TTC34: variants seen among roughly 807,000 people sequenced by gnomAD.
TTC34 encodes tetratricopeptide repeat protein 34.
In TTC34, 44 loss-of-function variants were observed where a neutral mutation model predicts 40.7. The ratio of observed to expected loss-of-function variants is 1.08; its 90% CI spans 0.85 to 1.39. The LOEUF (loss-of-function observed/expected upper bound fraction) is 1.39. Ranked by LOEUF, TTC34 falls within the 40% of genes most tolerant of loss-of-function variation. The probability of loss-of-function intolerance (pLI) is 0.00; values close to 1 mark genes in which losing one functional copy is unlikely to be tolerated. For missense variants in TTC34, 884 were observed against 838.0 expected (o/e 1.05, Z -0.68); for synonymous variants, 422 against 398.6 (o/e 1.06, Z -0.70).
exon 9 of TTC34, chr1:2,640,601 G>A (rs1638880702): frequency 1.3e-5 from 2 of 152,240 alleles, no homozygotes; most frequent in Admixed American, 6.5e-5. Context: ...GGTCAGCTTG[G>A]GGTATGGGCT....
At chr1:2,647,566 G>A (rs1557581476) in intron 6 of TTC34, among the ~76,000 whole-genome samples, 1 of 152,216 alleles carries the variant, frequency 6.6e-6, no homozygotes, top group Non-Finnish European at 1.5e-5. Context: ...CCCAGGAGGT[G>A]GAGGTTGCGG....
At chr1:2,791,249 G>A (rs1030137988) in intron 2 of TTC34, among the ~76,000 whole-genome samples, 4 of 152,198 alleles carry the variant, frequency 2.6e-5, no homozygotes, top group Non-Finnish European at 4.4e-5. Context: ...CAGGCCACTG[G>A]GAGAGGCGGG....
intron 6 of TTC34, among the ~76,000 whole-genome samples, chr1:2,660,200 CATCTGACATCGTGGAGCA>C (rs1639492060): frequency 4.5e-5 from 2 of 44,920 alleles, no homozygotes; most frequent in African/African-American, 1.3e-4. Context: ...CCCAGGTGAG[CATCTGACATCGTGGAGCA>C]GCACCCCACA....
intron 6 of TTC34, among the ~76,000 whole-genome samples, chr1:2,683,699 G>T (rs1450438615): frequency 3.4e-5 from 5 of 148,278 alleles, no homozygotes; most frequent in African/African-American, 1.3e-4. Context: ...TGACAGCCTG[G>T]AACAGCACCC....
At chr1:2,752,969 C>T (rs1641374527) in intron 6 of TTC34, among the ~76,000 whole-genome samples, 1 of 144,964 alleles carries the variant, frequency 6.9e-6, no homozygotes, top group Non-Finnish European at 1.5e-5. Context: ...GGAGCAACAC[C>T]CATACCCCCA....
chr1:2,785,910 C>T (rs1457125553), exon 5 of TTC34: 24 of 1,537,126 alleles, frequency 1.6e-5, no homozygotes, highest in Non-Finnish European at 1.9e-5. Flanking sequence ...GCAGGATGGC[C>T]AGGGCCCTGG....
chr1:2,688,242 C>A (rs1640460642), intron 6 of TTC34, among the ~76,000 whole-genome samples: 1 of 151,152 alleles, frequency 6.6e-6, no homozygotes, highest in South Asian at 2.1e-4. Flanking sequence ...TGGAGCAGCA[C>A]CCACACCCCC....
intron 6 of TTC34, among the ~76,000 whole-genome samples, chr1:2,749,021 A>T (rs1401157155): frequency 9.3e-3 from 1,100 of 118,036 alleles, no homozygotes; most frequent in South Asian, 0.011. Context: ...AGCATCTGAC[A>T]GCCTGGAACA....
chr1:2,754,750 C>T (rs1175667553), intron 6 of TTC34, among the ~76,000 whole-genome samples: 2,075 of 132,732 alleles, frequency 0.016, no homozygotes, highest in South Asian at 0.05. Flanking sequence ...CCCAGGTGCG[C>T]ATGTGATGGT....
At position 2,780,306 on chromosome 1, in the gene TTC34, AC is replaced by A. The variant is rs1643461586; in HGVS notation, c.2226+3302del. Among the ~76,000 whole-genome samples, 15 of 152,226 alleles carry A rather than the reference AC, an allele frequency of 9.9e-5. No homozygotes were observed. In the South Asian group the frequency reaches 3.1e-3, roughly 32 times the overall value. Reference sequence around the variant, plus strand: ...AAAAATTTAATTTTCATGAAATCCAACTTTATTTTTTCTTTTGCTGCCTGTG... The same window carrying A: ...AAAAATTTAATTTTCATGAAATCCAATTTATTTTTTCTTTTGCTGCCTGTG... On this transcript the variant is annotated intron_variant, in intron 6 of 8. Transcript: ENST00000401095.
At chr1:2,753,025 G>T (rs1211090021) in intron 6 of TTC34, among the ~76,000 whole-genome samples, 2 of 115,606 alleles carry the variant, frequency 1.7e-5, no homozygotes, top group African/African-American at 7.5e-5. Flanking sequence ...CTCCAGGTGA[G>T]CATCCGACAG....
At chr1:2,697,421 G>GGA (rs1640917975) in intron 6 of TTC34, among the ~76,000 whole-genome samples, 1 of 151,226 alleles carries the variant, frequency 6.6e-6, no homozygotes. Context: ...GAGAGCATCT[G>GGA]ACAGCCTGGA....
rs1466114874 is a variant in TTC34, at chr1:2,755,906, C to T, written c.2226+27703G>A. 6.0e-5 allele frequency among the ~76,000 whole-genome samples: 5 copies of T among 83,546 alleles called. 1 individual carries two copies. The highest frequency in any genetic ancestry group is 1.1e-4 in the Non-Finnish European group (5 of 47,264). 54.8% of individuals were successfully genotyped at this position (83,546 alleles called of 152,430 possible). On this transcript the variant is annotated intron_variant, in intron 6 of 8. Coordinates refer to ENST00000401095, the Ensembl canonical transcript of TTC34. ...ACATCCTTGAGCAGCACCCACACCCCCAGGTGAGCATCTGACAGCCTGGAG... is the reference window on the plus strand; with the variant it reads ...ACATCCTTGAGCAGCACCCACACCCTCAGGTGAGCATCTGACAGCCTGGAG...
intron 3 of TTC34, 87 bp downstream of exon 3, chr1:2,789,416 T>G (rs1643634051): frequency 9.1e-6 from 12 of 1,323,710 alleles, no homozygotes; most frequent in Non-Finnish European, 9.1e-6. Context: ...TTCATTCCTT[T>G]GTAAAATAGG....
At chr1:2,651,480 C>A (rs1187888565) in intron 6 of TTC34, among the ~76,000 whole-genome samples, 1 of 152,048 alleles carries the variant, frequency 6.6e-6, no homozygotes, top group Admixed American at 6.6e-5. Flanking sequence ...CCCCACACAC[C>A]CAGGTGAGCA....
chr1:2,698,562 CCA>C (rs1640975575), intron 6 of TTC34, among the ~76,000 whole-genome samples: 1 of 113,566 alleles, frequency 8.8e-6, no homozygotes, highest in African/African-American at 3.5e-5. Context: ...GGAGCAGCAC[CCA>C]CACCCCCAGA....
chr1:2,688,541 G>A (rs1640478884), intron 6 of TTC34, among the ~76,000 whole-genome samples: 1 of 142,416 alleles, frequency 7.0e-6, no homozygotes, highest in South Asian at 2.1e-4. Context: ...CCACAGGCGA[G>A]CACCTGAACC....
chr1:2,782,508 TTC>T (rs34425096), intron 6 of TTC34, among the ~76,000 whole-genome samples: 8 of 151,256 alleles, frequency 5.3e-5, no homozygotes, highest in African/African-American at 9.7e-5. Context: ...TGTAATCTTT[TTC>T]TCTCTCTCTT....
intron 6 of TTC34, among the ~76,000 whole-genome samples, chr1:2,688,154 A>AGC (rs1640453289): frequency 6.6e-6 from 1 of 150,834 alleles, no homozygotes; most frequent in African/African-American, 2.4e-5. Context: ...GACGGCCTGG[A>AGC]AGGGCACCCA....
Sources: allele counts gnomAD v4.1 joint callset (sites outside exome capture counted in the v4.1 genomes callset), GRCh38; gene constraint gnomAD v4.1.1; transcripts MANE v1.5; gene names NCBI Gene and HGNC (gene_info 2026-07-23, HGNC 2026-07-21).